SMARCAD1: variants seen among roughly 807,000 people sequenced by gnomAD.
SMARCAD1 encodes the protein SWI/SNF-related matrix-associated actin-dependent regulator of chromatin subfamily A containing DEAD/H box 1.
In SMARCAD1, 25 loss-of-function variants were observed where a neutral mutation model predicts 127.1. That is an observed-to-expected ratio of 0.20 (90% CI 0.14 to 0.27). The LOEUF is 0.27. SMARCAD1 is among the 10% of genes least tolerant of loss of function. The probability of loss-of-function intolerance (pLI) is 1.00; values close to 1 mark genes in which losing one functional copy is unlikely to be tolerated. For missense variants in SMARCAD1, 807 were observed against 1,206.0 expected (o/e 0.67, Z 4.90); for synonymous variants, 400 against 396.9 (o/e 1.01, Z -0.09).
Position 94,274,877 on chromosome 4 carries a change from T to C in SMARCAD1, c.1733-13T>C. 6.2e-7 allele frequency: 1 copy of C among 1,602,158 alleles called. No individual in the cohort carries two copies. Among genetic ancestry groups the C allele is most frequent in the Non-Finnish European group, 8.6e-7 (1 of 1,169,286 alleles). On this transcript the variant is annotated splice_polypyrimidine_tract_variant and intron_variant, in intron 13 of 23. Transcript: ENST00000354268. ...CAATAAATAGTCATGTGTTTATTGT[T>C]TTTAAATTCTAGGTTCTCAAGAAGA...
intron 14 of SMARCAD1, among the ~76,000 whole-genome samples, chr4:94,275,694 AT>A: frequency 6.6e-6 from 1 of 152,232 alleles, no homozygotes; most frequent in South Asian, 2.1e-4. Flanking sequence ...TTTTGTGCTT[AT>A]TAAAATATAA....
At chr4:94,267,888 A>G (rs1320835059) in intron 10 of SMARCAD1, among the ~76,000 whole-genome samples, 2 of 152,160 alleles carry the variant, frequency 1.3e-5, no homozygotes, top group African/African-American at 4.8e-5. Context: ...GTCAAAATAG[A>G]TGGGAAATAT....
intron 3 of SMARCAD1, among the ~76,000 whole-genome samples, chr4:94,231,034 T>C (rs1038398417): frequency 1.3e-5 from 2 of 152,198 alleles, no homozygotes; most frequent in Non-Finnish European, 2.9e-5. Flanking sequence ...AAAGACATTA[T>C]TGTCCTTAGT....
At chr4:94,251,290 A>G (rs1004772261) in intron 8 of SMARCAD1, among the ~76,000 whole-genome samples, 5 of 152,214 alleles carry the variant, frequency 3.3e-5, no homozygotes, top group African/African-American at 9.6e-5. Context: ...TCTTAATTCT[A>G]GGAACCAAAT....
chr4:94,284,653 G>A (rs935183789), intron 22 of SMARCAD1, among the ~76,000 whole-genome samples: 6 of 149,200 alleles, frequency 4.0e-5, no homozygotes, highest in Admixed American at 1.3e-4. Context: ...GGCTGATCTC[G>A]AACTGCTGGC....
chr4:94,214,394 T>G (rs1048461940), intron 2 of SMARCAD1, among the ~76,000 whole-genome samples: 7 of 151,686 alleles, frequency 4.6e-5, no homozygotes, highest in African/African-American at 1.7e-4. Flanking sequence ...CCTGAGTAGC[T>G]GGGACTACAG....
intron 1 of SMARCAD1, 45 bp from the exon 2 acceptor site, chr4:94,208,301 A>G (rs761925685): frequency 1.9e-5 from 25 of 1,326,058 alleles, no homozygotes; most frequent in Non-Finnish European, 2.5e-5. Context: ...TGTATCGTAT[A>G]TTGTTTTCAT....
chr4:94,288,301 C>T (rs929062690), intron 23 of SMARCAD1, among the ~76,000 whole-genome samples: 3 of 152,156 alleles, frequency 2.0e-5, no homozygotes, highest in African/African-American at 7.2e-5. Context: ...CACTAGGGTC[C>T]AAAGTTCACA....
intron 2 of SMARCAD1, among the ~76,000 whole-genome samples, chr4:94,215,411 A>G (rs1443002475): frequency 6.6e-6 from 1 of 152,094 alleles, no homozygotes; most frequent in Non-Finnish European, 1.5e-5. Flanking sequence ...GCTTGAGACC[A>G]GGAGTTCAAG....
intron 3 of SMARCAD1, among the ~76,000 whole-genome samples, chr4:94,227,912 T>C (rs1745267976): frequency 6.6e-6 from 1 of 152,102 alleles, no homozygotes; most frequent in Non-Finnish European, 1.5e-5. Context: ...AGAAGGGAAG[T>C]CCTCTTGGTT....
At chr4:94,253,679 C>T (rs1749632688) in intron 9 of SMARCAD1, 1 of 999,894 alleles carries the variant, frequency 1.0e-6, no homozygotes. Flanking sequence ...CTGGTAAGTA[C>T]ACTTTGCATG....
At chr4:94,271,339 A>G (rs930758596) in intron 11 of SMARCAD1, among the ~76,000 whole-genome samples, 11 of 152,140 alleles carry the variant, frequency 7.2e-5, no homozygotes, top group African/African-American at 2.4e-4. Context: ...TTCTTTCTCA[A>G]ATCACATTGC....
At chr4:94,242,531 G>T (rs1747752025) in intron 6 of SMARCAD1, among the ~76,000 whole-genome samples, 1 of 152,082 alleles carries the variant, frequency 6.6e-6, no homozygotes, top group Non-Finnish European at 1.5e-5. Context: ...TGTACACAGG[G>T]CTACTCTCTG....
chr4:94,279,148 C>T, intron 19 of SMARCAD1, 98 bp downstream of exon 19: 4 of 1,511,474 alleles, frequency 2.6e-6, no homozygotes, highest in South Asian at 2.3e-5. Flanking sequence ...AAACCTTTAA[C>T]TACATATTTA....
intron 22 of SMARCAD1, among the ~76,000 whole-genome samples, chr4:94,284,349 AAAAAG>A (rs1339119880): frequency 1.3e-4 from 13 of 100,024 alleles, no homozygotes; most frequent in Admixed American, 4.8e-4. Flanking sequence ...AAAAAAAAAA[AAAAAG>A]AAAAAAGTAA....
chr4:94,241,108 TC>T, intron 6 of SMARCAD1, 102 bp downstream of exon 6: 6 of 772,926 alleles, frequency 7.8e-6, no homozygotes, highest in Non-Finnish European at 1.3e-5. Flanking sequence ...CTAAATGAAT[TC>T]CTTTCTATCA....
intron 2 of SMARCAD1, among the ~76,000 whole-genome samples, chr4:94,221,898 G>A (rs1176627771): frequency 6.6e-6 from 1 of 152,168 alleles, no homozygotes; most frequent in South Asian, 2.1e-4. Flanking sequence ...TAGACAAAGA[G>A]CAATAAATTT....
At chr4:94,250,263 A>G (rs953061620) in intron 7 of SMARCAD1, among the ~76,000 whole-genome samples, 2 of 152,130 alleles carry the variant, frequency 1.3e-5, no homozygotes, top group Middle Eastern at 3.4e-3. Context: ...GATCATATAT[A>G]GAAGCACATA....
rs1747486477 is a variant in SMARCAD1, at chr4:94,240,938, T to A, written c.637T>A (p.Ser213Thr). The A allele has an allele frequency of 6.2e-7, 1 of 1,613,498 alleles. No individual in the cohort carries two copies. Among genetic ancestry groups the A allele is most frequent in the Non-Finnish European group, 8.5e-7 (1 of 1,179,738 alleles). The part of the protein sequence containing the change: ...GGPRKRKLSS[S>T]SEPYEEDEFN... ...GCCCAGGAAAAGAAAATTATCTTCT[T>A]CTTCAGAGCCATATGAGGAAGATGA... is the stretch of plus-strand genomic sequence containing the variant. The change falls in exon 6 of 24, where the codon TCT (serine) becomes ACT (threonine). Residue 213 changes from serine to threonine, a missense_variant. Coordinates refer to ENST00000354268, the MANE Select transcript of SMARCAD1 (RefSeq NM_020159.5).
Sources: gnomAD v4.1 joint callset for allele counts (sites outside exome capture counted in the v4.1 genomes callset) on GRCh38, gnomAD v4.1.1 for gene constraint, MANE v1.5 for transcripts, NCBI Gene and HGNC (gene_info 2026-07-23, HGNC 2026-07-21) for gene names.